The following SYNJ2 variants were observed in gnomAD, a reference collection of about 807,000 sequenced individuals.
SYNJ2 encodes the protein polyphosphatidylinositol phosphatase SYNJ2.
In SYNJ2, 116 loss-of-function variants were observed where a neutral mutation model predicts 141.3. That is an observed-to-expected ratio of 0.82 (90% confidence interval 0.71 to 0.96). The LOEUF is 0.96. Among genes scored for constraint, SYNJ2 ranks in the 40% least tolerant of loss-of-function variants. SYNJ2 has a pLI of 0.00. For missense variants in SYNJ2, 1,873 were observed against 1,934.8 expected, an observed-to-expected ratio of 0.97 and a Z score of 0.60; for synonymous variants, 745 against 777.7, an observed-to-expected ratio of 0.96 and a Z score of 0.70.
At chr6:158,072,949 T>C (rs1292895626) in intron 15 of SYNJ2, among the ~76,000 whole-genome samples, 1 of 151,488 alleles carries the variant, frequency 6.6e-6, no homozygotes, top group Non-Finnish European at 1.5e-5. Context: ...GGCGTGCACC[T>C]GTAATCCCAG....
chr6:158,053,616 A>G (rs1780689098), intron 5 of SYNJ2, among the ~76,000 whole-genome samples: 1 of 150,710 alleles, frequency 6.6e-6, no homozygotes, highest in Admixed American at 6.6e-5. Flanking sequence ...TCGTCCACCT[A>G]TCTACCCACC....
Position 158,028,950 on chromosome 6 carries a change from G to A in SYNJ2, c.409G>A (p.Gly137Arg). The change falls in exon 3 of 27, where the codon GGG (glycine) becomes AGG (arginine). Residue 137 changes from glycine (G) to arginine (R), a missense_variant. By Grantham distance (125) the Gly-to-Arg change is moderately radical (BLOSUM62 -2). Transcript: ENST00000355585. The part of the protein sequence containing the change: ...GVFYFSWPND[G>R]SRFDLTVRTQ... ...GTTCTATTTCTCATGGCCAAACGATGGGTCTCGCTTTGACCTGACTGTCCG... is the reference window on the plus strand; with the variant it reads ...GTTCTATTTCTCATGGCCAAACGATAGGTCTCGCTTTGACCTGACTGTCCG... 1 of 1,614,112 alleles carries A rather than the reference G, an allele frequency of 6.2e-7. No homozygotes were observed. Among genetic ancestry groups the A allele is most frequent in the East Asian group, 2.2e-5 (1 of 44,874 alleles).
chr6:158,091,542 A>G (rs1410502326), intron 25 of SYNJ2, among the ~76,000 whole-genome samples: 2 of 151,694 alleles, frequency 1.3e-5, no homozygotes, highest in Non-Finnish European at 2.9e-5. Context: ...AGGTTAGGAG[A>G]TCGAGACCAT....
chr6:158,093,033 C>G lies in SYNJ2; in HGVS notation c.3673C>G (p.Pro1225Ala). Residue 1225 changes from proline (P) to alanine (A), a missense_variant, in exon 26 of 27, where the codon CCA becomes GCA. Pro to Ala is a conservative substitution (Grantham distance 27). Transcript: ENST00000355585. ...CAAACCAGAGACCCCACAGGCGCCC[C>G]CACTCCTTCCCCGTCGGCCCCCACC... is the stretch of plus-strand genomic sequence containing the variant. Reference protein sequence around the residue: ...AAKPETPQAPPLLPRRPPPRV... With the variant: ...AAKPETPQAPALLPRRPPPRV... 2 of 1,611,662 alleles carry G rather than the reference C, an allele frequency of 1.2e-6. No homozygotes were observed. Among genetic ancestry groups the G allele is most frequent in the Non-Finnish European group, 1.7e-6 (2 of 1,179,448 alleles).
intron 2 of SYNJ2, among the ~76,000 whole-genome samples, chr6:158,019,534 A>C (rs551752615): frequency 5.3e-5 from 8 of 152,272 alleles, no homozygotes; most frequent in Non-Finnish European, 1.0e-4. Flanking sequence ...AGCAGGGTCT[A>C]ATGGGGCAGG....
At chr6:158,008,817 C>T (rs1423708819) in intron 1 of SYNJ2, among the ~76,000 whole-genome samples, 1 of 152,232 alleles carries the variant, frequency 6.6e-6, no homozygotes, top group Non-Finnish European at 1.5e-5. Flanking sequence ...CCTTCCTTCT[C>T]TCCTTGTTCC....
At chr6:158,091,316 AAAAAAAG>A (rs956338676) in intron 25 of SYNJ2, among the ~76,000 whole-genome samples, 1 of 151,886 alleles carries the variant, frequency 6.6e-6, no homozygotes, top group African/African-American at 2.4e-5. Context: ...ACTCCGTCTC[AAAAAAAG>A]AAAAAAGAAA....
intron 5 of SYNJ2, among the ~76,000 whole-genome samples, chr6:158,049,199 A>G (rs1223665520): frequency 6.6e-6 from 1 of 152,116 alleles, no homozygotes; most frequent in Non-Finnish European, 1.5e-5. Context: ...TAATGACTTT[A>G]GGGGCCAGAT....
At chr6:158,031,669 G>A (rs183433209) in intron 3 of SYNJ2, among the ~76,000 whole-genome samples, 55 of 152,006 alleles carry the variant, frequency 3.6e-4, no homozygotes, top group Non-Finnish European at 5.9e-4. Context: ...AACGCTCAGC[G>A]TGGCTGGCAC....
intron 6 of SYNJ2, among the ~76,000 whole-genome samples, chr6:158,055,806 G>A (rs10455949): frequency 0.011 from 1,685 of 152,270 alleles, 17 homozygotes; most frequent in Middle Eastern, 0.024. Context: ...CTTGTCATAT[G>A]AGCCCAGATG....
chr6:158,062,604 TC>T (rs1781292923), intron 8 of SYNJ2, among the ~76,000 whole-genome samples: 1 of 152,076 alleles, frequency 6.6e-6, no homozygotes, highest in African/African-American at 2.4e-5. Context: ...GGTATGGACT[TC>T]CCTGTTCAGA....
At position 158,071,548 on chromosome 6, in the gene SYNJ2, G is replaced by A. The variant is rs1781922812; in HGVS notation, c.1941-54G>A. The A allele has an allele frequency of 6.4e-7, 1 of 1,572,174 alleles. No homozygotes were observed. The highest frequency in any genetic ancestry group is 8.6e-7 in the Non-Finnish European group (1 of 1,159,520). On this transcript the variant is annotated intron_variant, in intron 14 of 26. Transcript: ENST00000355585. The surrounding 1 kb of genome is among the most constrained non-coding windows in gnomAD (Gnocchi z 4.3). The stretch of plus-strand genomic sequence containing the variant: ...CTGGGCCCTTCTCTGTGGCAAAGCA[G>A]GGTCACACTTCTCCTTCAGGAGCCG...
intron 1 of SYNJ2, among the ~76,000 whole-genome samples, chr6:157,992,401 CTTTTTTTT>C (rs57905567): frequency 7.5e-5 from 9 of 120,358 alleles, no homozygotes; most frequent in Non-Finnish European, 1.5e-4. Context: ...TGGCTTGTTT[CTTTTTTTT>C]TTTTTTTTTT....
chr6:158,017,899 A>G (rs1264385993), intron 2 of SYNJ2: 2 of 434,818 alleles, frequency 4.6e-6, no homozygotes, highest in Non-Finnish European at 9.5e-6. Context: ...CTTGCCGGCG[A>G]GGGCCTAAGT....
intron 2 of SYNJ2, among the ~76,000 whole-genome samples, chr6:158,025,678 C>T (rs1172121289): frequency 2.9e-5 from 4 of 135,642 alleles, no homozygotes; most frequent in Admixed American, 2.2e-4. Context: ...AATAGCCGGG[C>T]GTGGTGGCTC....
chr6:158,080,348 G>A (rs942200279), intron 18 of SYNJ2, among the ~76,000 whole-genome samples: 26 of 151,920 alleles, frequency 1.7e-4, no homozygotes, highest in African/African-American at 5.8e-4. Context: ...GGTGGCATGC[G>A]CCTGTAATCC....
chr6:158,010,402 G>A (rs1442277394), intron 1 of SYNJ2, among the ~76,000 whole-genome samples: 1 of 152,260 alleles, frequency 6.6e-6, no homozygotes, highest in African/African-American at 2.4e-5. Context: ...GGGAGTGCTG[G>A]AGGTGGGCAG....
chr6:157,987,626 T>C (rs1250559834), intron 1 of SYNJ2, among the ~76,000 whole-genome samples: 1 of 152,114 alleles, frequency 6.6e-6, no homozygotes, highest in East Asian at 1.9e-4. Context: ...GGTCTCGAAC[T>C]CCCGACTTCA....
Position 158,083,223 on chromosome 6 carries a change from G to A in SYNJ2, c.2866-206G>A, listed in dbSNP as rs988762883. Among the ~76,000 whole-genome samples, 24 of 152,046 alleles carry A rather than the reference G, an allele frequency of 1.6e-4. 1 individual carries two copies. The highest frequency in any genetic ancestry group is 2.9e-5 in the Non-Finnish European group (2 of 68,000). ...GCTGGGATTACAGGTGTGAGCCACC[G>A]CACCCAGCCCAGTTCAACTTTTTTT... On this transcript the variant is annotated intron_variant, in intron 20 of 26. Coordinates refer to ENST00000355585, the MANE Select transcript of SYNJ2 (RefSeq NM_003898.4).
Sources: gnomAD v4.1 joint callset for allele counts (sites outside exome capture counted in the v4.1 genomes callset) on GRCh38, gnomAD v4.1.1 for gene constraint, Gnocchi (gnomAD v3.1) non-coding constraint, MANE v1.5 for transcripts, NCBI Gene and HGNC (gene_info 2026-07-23, HGNC 2026-07-21) for gene names.